NOL10: variants seen among roughly 807,000 people sequenced by gnomAD.
The protein encoded by NOL10 is nucleolar protein 10.
NOL10 carries 58 observed loss-of-function variants against 103.5 expected under a neutral mutation model. The ratio of observed to expected loss-of-function variants is 0.56; its 90% CI spans 0.45 to 0.70. NOL10 has a LOEUF of 0.70. Ranked by LOEUF, NOL10 falls within the 30% of genes least tolerant of loss-of-function variation. The pLI, the probability that NOL10 is intolerant of heterozygous loss-of-function variation, is 0.00. For missense variants in NOL10, 763 were observed against 807.3 expected (o/e 0.95, Z 0.67); for synonymous variants, 287 against 282.5 (o/e 1.02, Z -0.16).
At chr2:10,621,729 T>C (rs1018203601) in intron 13 of NOL10, among the ~76,000 whole-genome samples, 2 of 152,220 alleles carry the variant, frequency 1.3e-5, no homozygotes, top group Non-Finnish European at 2.9e-5. Context: ...AAATTCTCTG[T>C]TGGAACAAAA....
intron 13 of NOL10, among the ~76,000 whole-genome samples, chr2:10,618,034 G>GTTTT (rs36205939): frequency 1.4e-5 from 2 of 145,876 alleles, no homozygotes; most frequent in African/African-American, 2.5e-5. Flanking sequence ...TACACTTCAT[G>GTTTT]TTTTTTTTTT....
chr2:10,658,756 G>A (rs1323580162), intron 10 of NOL10, among the ~76,000 whole-genome samples: 6 of 152,140 alleles, frequency 3.9e-5, no homozygotes, highest in Non-Finnish European at 8.8e-5. Context: ...CATAGACTCT[G>A]AAAAATGCTG....
chr2:10,688,065 C>T (rs1682339729), intron 1 of NOL10, among the ~76,000 whole-genome samples: 1 of 152,178 alleles, frequency 6.6e-6, no homozygotes, highest in Non-Finnish European at 1.5e-5. Context: ...TTCTCTGATT[C>T]CTTCCTTTTT....
intron 13 of NOL10, among the ~76,000 whole-genome samples, chr2:10,619,829 G>C (rs1053039524): frequency 6.6e-6 from 1 of 152,162 alleles, no homozygotes; most frequent in African/African-American, 2.4e-5. Context: ...ACAGTCATTT[G>C]ATGTTTATCA....
chr2:10,673,501 C>T lies in NOL10; in HGVS notation c.327+19G>A. 1 of 1,558,132 alleles carries T rather than the reference C, an allele frequency of 6.4e-7. No homozygotes were observed. The highest frequency in any genetic ancestry group is 8.7e-7 in the Non-Finnish European group (1 of 1,144,034). ...ATTTCTTGGGTCTAGTCAGTACAAA[C>T]CAATGCTATAAAACATACCTTTGAG... is the stretch of plus-strand genomic sequence containing the variant. On this transcript the variant is annotated intron_variant, in intron 5 of 20. Coordinates refer to ENST00000381685, the MANE Select transcript of NOL10 (RefSeq NM_024894.4).
chr2:10,626,327 C>T (rs1328834411), intron 13 of NOL10, among the ~76,000 whole-genome samples: 1 of 152,160 alleles, frequency 6.6e-6, no homozygotes, highest in Admixed American at 6.5e-5. Context: ...ATACAAAGTT[C>T]CCGCCTTGTG....
intron 13 of NOL10, among the ~76,000 whole-genome samples, chr2:10,640,245 T>C (rs1678608366): frequency 6.6e-6 from 1 of 152,222 alleles, no homozygotes; most frequent in Non-Finnish European, 1.5e-5. Context: ...GTACGTTTGA[T>C]AAAATCTTAT....
chr2:10,645,944 TACACAC>T (rs57494359), intron 12 of NOL10, among the ~76,000 whole-genome samples: 10 of 147,676 alleles, frequency 6.8e-5, no homozygotes, highest in Admixed American at 2.0e-4. Context: ...CACACACACA[TACACAC>T]ACACACACAC....
rs1307813412 is a variant in NOL10 at position 10,617,793 on chromosome 2, A to G, written c.1027-10482T>C. ...ATGTCACTCAGCAATCAAAAGGAAT[A>G]AAGTACTGAGACATGGTACAACATG... is the stretch of plus-strand genomic sequence containing the variant. On this transcript the variant is annotated intron_variant, in intron 13 of 20. Transcript: ENST00000381685. Among the ~76,000 whole-genome samples, 3 of 152,240 alleles carry G rather than the reference A, an allele frequency of 2.0e-5. No individual in the cohort carries two copies. In the South Asian group the frequency reaches 6.2e-4, roughly 31 times the overall value.
chr2:10,594,331 T>C (rs1675553459), intron 17 of NOL10, among the ~76,000 whole-genome samples: 1 of 152,192 alleles, frequency 6.6e-6, no homozygotes. Flanking sequence ...GACTGACTGC[T>C]TGCCTAGGTT....
chr2:10,684,767 G>A (rs530603508), intron 1 of NOL10, among the ~76,000 whole-genome samples, 155 bp from the exon 2 acceptor site: 22 of 152,210 alleles, frequency 1.4e-4, no homozygotes, highest in African/African-American at 5.1e-4. Flanking sequence ...AACTCTACTC[G>A]TAACGTATTA....
At chr2:10,684,772 G>A (rs188478847) in intron 1 of NOL10, among the ~76,000 whole-genome samples, 160 bp from the exon 2 acceptor site, 1 of 152,130 alleles carries the variant, frequency 6.6e-6, no homozygotes, top group African/African-American at 2.4e-5. Context: ...TACTCGTAAC[G>A]TATTAAATAT....
chr2:10,584,690 T>A (rs1674931771), intron 19 of NOL10, among the ~76,000 whole-genome samples: 1 of 152,194 alleles, frequency 6.6e-6, no homozygotes, highest in African/African-American at 2.4e-5. Flanking sequence ...ATCACTTATA[T>A]AGTTCTCAAA....
intron 13 of NOL10, among the ~76,000 whole-genome samples, chr2:10,612,382 T>C (rs10203785): frequency 0.59 from 90,045 of 152,070 alleles, 27,672 homozygotes; most frequent in African/African-American, 0.74. Context: ...TTTCTGCTTA[T>C]TTATAATGCT....
At position 10,618,245 on chromosome 2, in the gene NOL10, T is replaced by TAAAAA. The variant is rs34176271; in HGVS notation, c.1027-10939_1027-10935dup. Among the ~76,000 whole-genome samples the TAAAAA allele has an allele frequency of 3.6e-3, 547 of 150,864 alleles. 3 individuals are homozygous for TAAAAA. The highest frequency in any genetic ancestry group is 0.011 in the African/African-American group (472 of 41,086). ...TTATGTCTTTAAAAAGCTGTTTTTTTAAAAAAAAATGAATTAAGGAGGTTA... is the reference window on the plus strand; with the variant it reads ...TTATGTCTTTAAAAAGCTGTTTTTTTAAAAAAAAAAAAAATGAATTAAGGAGGTTA... On this transcript the variant is annotated intron_variant, in intron 13 of 20. Coordinates refer to ENST00000381685, the MANE Select transcript of NOL10 (RefSeq NM_024894.4).
chr2:10,596,277 G>A (rs1209042033), intron 17 of NOL10, among the ~76,000 whole-genome samples: 5 of 148,554 alleles, frequency 3.4e-5, no homozygotes, highest in Admixed American at 2.0e-4. Context: ...GGGCGGGCGC[G>A]AGGGAGTTTT....
intron 13 of NOL10, among the ~76,000 whole-genome samples, chr2:10,608,810 C>A (rs1676394429): frequency 6.6e-6 from 1 of 152,094 alleles, no homozygotes; most frequent in Non-Finnish European, 1.5e-5. Flanking sequence ...TTCTCTTCAC[C>A]TCAACACAGC....
chr2:10,574,180 A>C (rs1437336915), intron 20 of NOL10, among the ~76,000 whole-genome samples: 1 of 152,228 alleles, frequency 6.6e-6, no homozygotes. Flanking sequence ...TGTCCCTAGC[A>C]TGCAGCACAG....
rs1247583512 is a variant in NOL10, at chr2:10,654,249, C to A, written c.973+232G>T. Among the ~76,000 whole-genome samples the A allele has an allele frequency of 2.6e-5, 4 of 152,200 alleles. No individual in the cohort carries two copies. In the East Asian group the frequency reaches 7.7e-4, roughly 29 times the overall value. On this transcript the variant is annotated intron_variant, in intron 12 of 20. Transcript: ENST00000381685. ...CACTAATAGCTGGGCGGGCTGAGCA[C>A]TGAGTCATTAAGAGTGCCATTTTCT... is the stretch of plus-strand genomic sequence containing the variant.
Sources: gnomAD v4.1 joint callset for allele counts (sites outside exome capture counted in the v4.1 genomes callset) on GRCh38, gnomAD v4.1.1 for gene constraint, MANE v1.5 for transcripts, NCBI Gene and HGNC (gene_info 2026-07-23, HGNC 2026-07-21) for gene names.